ARMC1: variants seen among roughly 807,000 people sequenced by gnomAD.
ARMC1 encodes armadillo repeat-containing protein 1.
In ARMC1, 16 loss-of-function variants were observed where a neutral mutation model predicts 31.4. The ratio of observed to expected loss-of-function variants is 0.51; its 90% CI spans 0.34 to 0.77. ARMC1 has a LOEUF of 0.77. Among genes scored for constraint, ARMC1 ranks in the 30% least tolerant of loss-of-function variants. The pLI is 0.01. For missense variants in ARMC1, 259 were observed against 347.5 expected (o/e 0.75, Z 2.02); for synonymous variants, 114 against 118.9 (o/e 0.96, Z 0.27).
chr8:65,614,811 C>T (rs199688218), intron 3 of ARMC1, among the ~76,000 whole-genome samples: 2 of 152,194 alleles, frequency 1.3e-5, no homozygotes, highest in East Asian at 1.9e-4. Context: ...AGACTGCAGG[C>T]TTTCCAACTC....
chr8:65,615,737 T>A (rs1215658488), intron 3 of ARMC1, among the ~76,000 whole-genome samples: 1 of 150,902 alleles, frequency 6.6e-6, no homozygotes, highest in Non-Finnish European at 1.5e-5. Context: ...TAAAATAAAA[T>A]AAAATAAAGT....
intron 4 of ARMC1, among the ~76,000 whole-genome samples, chr8:65,611,305 G>A (rs1372026958): frequency 1.3e-5 from 2 of 152,040 alleles, no homozygotes; most frequent in Non-Finnish European, 2.9e-5. Context: ...GATAATTTAT[G>A]ACTTTTCTCT....
chr8:65,615,121 G>A (rs1808222103), intron 3 of ARMC1, among the ~76,000 whole-genome samples: 1 of 152,036 alleles, frequency 6.6e-6, no homozygotes, highest in African/African-American at 2.4e-5. Context: ...TTCCAGGGGT[G>A]ATAATCTGAC....
chr8:65,604,514 C>T lies in ARMC1; in HGVS notation c.729G>A (p.Glu243=), dbSNP rs2129040517. The T allele has an allele frequency of 6.2e-7, 1 of 1,614,150 alleles. No individual in the cohort carries two copies. Among genetic ancestry groups the T allele is most frequent in the Non-Finnish European group, 8.5e-7 (1 of 1,180,050 alleles). Residue 243 remains glutamate, a synonymous_variant, in exon 7 of 7, where the codon GAG becomes GAA. Transcript: ENST00000276569. ...CCTGTTCCTTTGTGGGACTCTCATC[C>T]TCAGGCAGGTAGTCAGGTAGCTCTG... ...QNTELPDYLP[E]DESPTKEQDK... is the part of the protein sequence containing the mutation.
chr8:65,618,247 G>A (rs566872600), intron 3 of ARMC1, among the ~76,000 whole-genome samples: 4 of 152,090 alleles, frequency 2.6e-5, no homozygotes, highest in South Asian at 2.1e-4. Flanking sequence ...GTAAGGCCAG[G>A]CGCAGTGGCT....
chr8:65,620,806 A>AAAAAAAAAAAC (rs1398946483), intron 3 of ARMC1, among the ~76,000 whole-genome samples: 1 of 151,732 alleles, frequency 6.6e-6, no homozygotes, highest in East Asian at 1.9e-4. Flanking sequence ...ATTTAAAAAA[A>AAAAAAAAAAAC]AACACAACTA....
chr8:65,609,857 C>CAAAAAA (rs35519675), intron 4 of ARMC1, among the ~76,000 whole-genome samples: 14 of 93,048 alleles, frequency 1.5e-4, no homozygotes, highest in African/African-American at 1.8e-4. Context: ...GACTCTGTCT[C>CAAAAAA]AAAAAAAAAA....
At chr8:65,628,032 T>C (rs1808551597) in intron 1 of ARMC1, among the ~76,000 whole-genome samples, 1 of 152,226 alleles carries the variant, frequency 6.6e-6, no homozygotes, top group African/African-American at 2.4e-5. Flanking sequence ...TCCATCTGAT[T>C]ATGCCATATT....
At chr8:65,609,379 T>C (rs1192932027) in intron 4 of ARMC1, among the ~76,000 whole-genome samples, 1 of 152,232 alleles carries the variant, frequency 6.6e-6, no homozygotes, top group Non-Finnish European at 1.5e-5. Context: ...GTATTGGAGA[T>C]ATTTTATATA....
At chr8:65,609,863 A>AG in intron 4 of ARMC1, among the ~76,000 whole-genome samples, 1 of 55,170 alleles carries the variant, frequency 1.8e-5, no homozygotes, top group Non-Finnish European at 4.4e-5. Flanking sequence ...GTCTCAAAAA[A>AG]AAAAAAAAAA....
At chr8:65,617,491 G>C (rs546021383) in intron 3 of ARMC1, among the ~76,000 whole-genome samples, 1 of 152,074 alleles carries the variant, frequency 6.6e-6, no homozygotes, top group South Asian at 2.1e-4. Flanking sequence ...GCGGAAGGCC[G>C]CAGGGTCCTC....
chr8:65,614,542 T>C (rs1277344595), intron 3 of ARMC1, among the ~76,000 whole-genome samples: 1 of 152,206 alleles, frequency 6.6e-6, no homozygotes, highest in Non-Finnish European at 1.5e-5. Context: ...TACATGTAAC[T>C]GTAAGAAAAG....
At chr8:65,616,624 C>T (rs1232807576) in intron 3 of ARMC1, among the ~76,000 whole-genome samples, 3 of 151,514 alleles carry the variant, frequency 2.0e-5, no homozygotes, top group Non-Finnish European at 4.4e-5. Context: ...TGCCTCTGCC[C>T]GGCTGCCCAG....
At chr8:65,612,885 A>G (rs527370628) in intron 4 of ARMC1, among the ~76,000 whole-genome samples, 61 of 152,206 alleles carry the variant, frequency 4.0e-4, no homozygotes, top group African/African-American at 1.3e-3. Flanking sequence ...AAAAATAAAT[A>G]AAATAAAATA....
chr8:65,602,942 T>C lies in ARMC1; in HGVS notation c.*1452A>G, dbSNP rs1217485757. 2 of 152,080 alleles carry C rather than the reference T, an allele frequency of 1.3e-5. No homozygotes were observed. The highest frequency in any genetic ancestry group is 2.1e-4 in the South Asian group (1 of 4,826). The allele number at this position is 152,080 out of a possible 1,614,324, so 9.4% of individuals were successfully genotyped here. A position where few individuals can be genotyped will look rare whatever the true frequency, so the allele number is the denominator to read the frequency against. ...TCTCTCCAGAAGGTGACAATGTTAG[T>C]GAACTCAAGACTCTCACTGATGATG... On this transcript the variant is annotated 3_prime_UTR_variant, in exon 7 of 7. Coordinates refer to ENST00000276569, the MANE Select transcript of ARMC1 (RefSeq NM_018120.6).
At chr8:65,606,707 A>G (rs978096343) in intron 4 of ARMC1, among the ~76,000 whole-genome samples, 2 of 152,066 alleles carry the variant, frequency 1.3e-5, no homozygotes, top group African/African-American at 2.4e-5. Flanking sequence ...GCTTTGTCTC[A>G]CCTTAACTCC....
chr8:65,623,010 AT>A (rs911397968), intron 2 of ARMC1, among the ~76,000 whole-genome samples: 2 of 149,770 alleles, frequency 1.3e-5, no homozygotes, highest in African/African-American at 4.9e-5. Flanking sequence ...CTCAAAAAAA[AT>A]TAAAAAAAAA....
At chr8:65,629,916 G>T (rs6472215) in intron 1 of ARMC1, among the ~76,000 whole-genome samples, 1 of 151,956 alleles carries the variant, frequency 6.6e-6, no homozygotes, top group South Asian at 2.1e-4. Flanking sequence ...AGGACAAAGC[G>T]GGTGGATCAC....
At chr8:65,613,203 T>C (rs1413840330) in intron 4 of ARMC1, 41 bp downstream of exon 4, 8 of 1,479,514 alleles carry the variant, frequency 5.4e-6, no homozygotes, top group Non-Finnish European at 6.4e-6. Flanking sequence ...AAGAAACTAT[T>C]CAGTAAACAT....
Sources: allele counts gnomAD v4.1 joint callset (sites outside exome capture counted in the v4.1 genomes callset), GRCh38; gene constraint gnomAD v4.1.1; transcripts MANE v1.5; gene names NCBI Gene and HGNC (gene_info 2026-07-23, HGNC 2026-07-21).